TENM3: variants seen among roughly 807,000 people sequenced by gnomAD.
The protein encoded by TENM3 is teneurin transmembrane protein 3.
Under a neutral mutation model 255.1 loss-of-function variants are expected in TENM3, and 63 were observed. The observed-to-expected ratio is 0.25, with a 90% CI of 0.20 to 0.30. The LOEUF (loss-of-function observed/expected upper bound fraction) is 0.30. TENM3 is among the 10% of genes least tolerant of loss of function. The pLI is 1.00. For synonymous variants in TENM3, 1,306 were observed against 1,322.3 expected (o/e 0.99, Z 0.27); for missense variants, 2,929 against 3,461.1 (o/e 0.85, Z 3.86).
At chr4:181,704,639 A>G in the TENM3 span, among the ~76,000 whole-genome samples, 1 of 152,280 alleles carries the variant, frequency 6.6e-6, no homozygotes, top group East Asian at 1.9e-4. Flanking sequence ...TTGGTTGTTG[A>G]AAGTTTCCTA....
intron 1 of TENM3, among the ~76,000 whole-genome samples, chr4:182,264,579 A>G (rs530025666): frequency 2.6e-5 from 4 of 152,192 alleles, no homozygotes; most frequent in Non-Finnish European, 4.4e-5. Context: ...TCAGTAGCTA[A>G]GGTTTTTGCC....
the TENM3 span, among the ~76,000 whole-genome samples, chr4:181,738,164 T>G: frequency 6.6e-6 from 1 of 152,190 alleles, no homozygotes; most frequent in Admixed American, 6.5e-5. Flanking sequence ...CTGCACGAGC[T>G]ATATACCTGT....
the TENM3 span, among the ~76,000 whole-genome samples, chr4:181,934,563 G>C: frequency 1.3e-5 from 2 of 152,122 alleles, no homozygotes; most frequent in Non-Finnish European, 2.9e-5. Context: ...GAGAAAATAA[G>C]TGATTTGCCT....
chr4:182,351,253 T>C (rs1765159433), intron 3 of TENM3, among the ~76,000 whole-genome samples: 1 of 152,160 alleles, frequency 6.6e-6, no homozygotes, highest in South Asian at 2.1e-4. Context: ...TGAAGATATT[T>C]AGCAAAGAAA....
chr4:182,036,043 T>C, the TENM3 span, among the ~76,000 whole-genome samples: 4 of 152,132 alleles, frequency 2.6e-5, no homozygotes, highest in Non-Finnish European at 5.9e-5. Flanking sequence ...CATCTCACTC[T>C]TGCTCCATCC....
At chr4:182,744,093 C>CTTTTTTTTTTT (rs957977132) in intron 19 of TENM3, 104 of 451,832 alleles carry the variant, frequency 2.3e-4, no homozygotes, top group East Asian at 1.6e-3. Flanking sequence ...ACTGTGCTTT[C>CTTTTTTTTTTT]TTTTTTTTTT....
chr4:181,937,868 T>G, the TENM3 span, among the ~76,000 whole-genome samples: 1,528 of 152,240 alleles, frequency 0.01, 21 homozygotes, highest in African/African-American at 0.035. Flanking sequence ...GCTGCCTCCA[T>G]CCCCAGTGAA....
chr4:181,928,331 C>T, the TENM3 span, among the ~76,000 whole-genome samples: 1 of 151,748 alleles, frequency 6.6e-6, no homozygotes, highest in Admixed American at 6.6e-5. Context: ...TAGAGAAGAA[C>T]ATAAATGACC....
chr4:181,570,655 A>AAAGCAAGCAAGCAAGCAAGCAAGCAAGC, the TENM3 span, among the ~76,000 whole-genome samples: 4 of 150,354 alleles, frequency 2.7e-5, no homozygotes, highest in African/African-American at 9.8e-5. Context: ...AGAAAGAAGG[A>AAAGCAAGCAAGCAAGCAAGCAAGCAAGC]AAGCAAGCAA....
intron 1 of TENM3, among the ~76,000 whole-genome samples, chr4:182,157,794 A>C (rs1417617577): frequency 6.6e-6 from 1 of 152,246 alleles, no homozygotes; most frequent in Non-Finnish European, 1.5e-5. Context: ...AGAGGGAAAC[A>C]CAATGGACAA....
chr4:182,135,811 C>A, the TENM3 span, among the ~76,000 whole-genome samples: 1 of 152,178 alleles, frequency 6.6e-6, no homozygotes, highest in African/African-American at 2.4e-5. Context: ...ATGTGAAACT[C>A]ACCTCTCTGC....
intron 3 of TENM3, among the ~76,000 whole-genome samples, chr4:182,513,814 G>T (rs999191815): frequency 7.2e-5 from 11 of 152,124 alleles, no homozygotes; most frequent in African/African-American, 2.7e-4. Flanking sequence ...AACCCAGAGC[G>T]CACACCTCAA....
intron 3 of TENM3, among the ~76,000 whole-genome samples, chr4:182,412,441 A>G (rs1239987546): frequency 1.3e-5 from 2 of 152,242 alleles, no homozygotes; most frequent in Non-Finnish European, 2.9e-5. Context: ...AAATTTATAA[A>G]TAAAATTAAT....
At chr4:182,518,092 A>G (rs750982436) in intron 3 of TENM3, among the ~76,000 whole-genome samples, 1 of 152,102 alleles carries the variant, frequency 6.6e-6, no homozygotes, top group Admixed American at 6.5e-5. Flanking sequence ...GGAAGCCTTC[A>G]ATTCATATTC....
chr4:181,894,034 A>G, the TENM3 span, among the ~76,000 whole-genome samples: 1 of 140,040 alleles, frequency 7.1e-6, no homozygotes, highest in Non-Finnish European at 1.5e-5. Context: ...GAGAAGTTGA[A>G]AAAAAAAAAT....
the TENM3 span, among the ~76,000 whole-genome samples, chr4:181,718,728 T>A: frequency 2.0e-5 from 3 of 152,184 alleles, no homozygotes; most frequent in Non-Finnish European, 4.4e-5. Context: ...TTCACTCTAT[T>A]AAATTGTAGT....
chr4:182,304,437 C>T (rs1443137024), intron 1 of TENM3, among the ~76,000 whole-genome samples: 3 of 152,138 alleles, frequency 2.0e-5, no homozygotes, highest in African/African-American at 7.2e-5. Flanking sequence ...TGGTCTCGAT[C>T]TCCTGACCTC....
chr4:182,039,909 C>T, the TENM3 span, among the ~76,000 whole-genome samples: 10 of 127,968 alleles, frequency 7.8e-5, no homozygotes, highest in East Asian at 4.6e-4. Flanking sequence ...GGAGAGGAGA[C>T]GAGGAGGGGA....
the TENM3 span, among the ~76,000 whole-genome samples, chr4:182,097,180 A>G: frequency 4.6e-5 from 7 of 152,060 alleles, no homozygotes; most frequent in Admixed American, 2.0e-4. Flanking sequence ...CATGCAAGTG[A>G]TTTCTATGTT....
Sources: allele counts gnomAD v4.1 joint callset (sites outside exome capture counted in the v4.1 genomes callset), GRCh38; gene constraint gnomAD v4.1.1; transcripts MANE v1.5; gene names NCBI Gene and HGNC (gene_info 2026-07-23, HGNC 2026-07-21).